The following PATJ variants were observed in gnomAD, a reference collection of about 807,000 sequenced individuals.
The protein encoded by PATJ is PATJ crumbs cell polarity complex component.
In PATJ, 190 loss-of-function variants were observed where a neutral mutation model predicts 224.9. The ratio of observed to expected loss-of-function variants is 0.84; its 90% confidence interval spans 0.75 to 0.95. The LOEUF is 0.95. Among genes scored for constraint, PATJ ranks in the 40% least tolerant of loss-of-function variants. PATJ has a pLI of 0.00. For missense variants in PATJ, 2,121 were observed against 2,270.3 expected (o/e 0.93, Z 1.34); for synonymous variants, 769 against 820.3 (o/e 0.94, Z 1.07).
rs372406419 is a variant in PATJ at position 62,019,343 on chromosome 1, A to G, written c.3959+1396A>G. On this transcript the variant is annotated intron_variant, in intron 29 of 43. Transcript: ENST00000642238. Reference sequence around the variant, plus strand: ...GCGAGACCAGCCTGGCCAAGCCAACATGGTGAAACCCTGTCTCTACTAAAA... The same window carrying G: ...GCGAGACCAGCCTGGCCAAGCCAACGTGGTGAAACCCTGTCTCTACTAAAA... Among the ~76,000 whole-genome samples, 5 of 151,714 alleles carry G rather than the reference A, an allele frequency of 3.3e-5. No individual in the cohort carries two copies. The East Asian group carries it at 5.8e-4, about 18-fold the overall frequency.
intron 27 of PATJ, 61 bp downstream of exon 27, chr1:61,927,890 T>C: frequency 8.6e-7 from 1 of 1,161,006 alleles, no homozygotes; most frequent in Non-Finnish European, 1.2e-6. Context: ...TTTTAACGAC[T>C]GTTGTAAATT....
At chr1:61,998,938 C>T (rs114621636) in intron 28 of PATJ, among the ~76,000 whole-genome samples, 77 of 152,238 alleles carry the variant, frequency 5.1e-4, no homozygotes, top group African/African-American at 1.8e-3. Context: ...GAAGGACAAT[C>T]GTTTATTTTT....
chr1:62,124,123 C>T (rs1051551601), intron 39 of PATJ, among the ~76,000 whole-genome samples: 1 of 151,938 alleles, frequency 6.6e-6, no homozygotes, highest in African/African-American at 2.4e-5. Context: ...CACCGTGTTG[C>T]CCAGGCTGGA....
In PATJ at chr1:61,886,819, C is replaced by CAAAAAAAAAAAAAAA. The variant is rs35950461; in HGVS notation, c.3131+2423_3131+2424insAAAAAAAAAAAAAAA. 3.0e-3 allele frequency among the ~76,000 whole-genome samples: 262 copies of CAAAAAAAAAAAAAAA among 87,446 alleles called. 80 individuals carry two copies. Among genetic ancestry groups the CAAAAAAAAAAAAAAA allele is most frequent in the South Asian group, 8.7e-3 (29 of 3,318 alleles). The allele number at this position is 87,446 out of a possible 152,430, so 57.4% of individuals were successfully genotyped here. A position where few individuals can be genotyped will look rare whatever the true frequency, so the allele number is the denominator to read the frequency against. On this transcript the variant is annotated intron_variant, in intron 22 of 43. Transcript: ENST00000642238. ...TGGGCAACAGAGCAAGACCCCATCT[C>CAAAAAAAAAAAAAAA]AAAAAAAAAAAATTAGCCTGTTGTG...
chr1:62,071,059 A>G (rs1570441550), intron 31 of PATJ, among the ~76,000 whole-genome samples: 1 of 152,208 alleles, frequency 6.6e-6, no homozygotes, highest in African/African-American at 2.4e-5. Flanking sequence ...GGGATGTCAG[A>G]TTCAATTAAA....
intron 17 of PATJ, among the ~76,000 whole-genome samples, chr1:61,849,047 A>G (rs114315451): frequency 0.011 from 1,693 of 152,322 alleles, 27 homozygotes; most frequent in African/African-American, 0.039. Flanking sequence ...ATAAAAATAC[A>G]TATCTGTGGA....
intron 20 of PATJ, among the ~76,000 whole-genome samples, chr1:61,867,771 C>A (rs777023261): frequency 6.6e-6 from 1 of 152,134 alleles, no homozygotes; most frequent in Non-Finnish European, 1.5e-5. Context: ...GGAACACTTA[C>A]ACCCGTTGAT....
Position 62,163,098 on chromosome 1 carries a change from A to T in PATJ, c.*2044A>T, listed in dbSNP as rs967888433. On this transcript the variant is annotated 3_prime_UTR_variant, in exon 44 of 44. Coordinates refer to ENST00000642238, the MANE Select transcript of PATJ (RefSeq NM_001350145.3). ...TTAAAATGTTATTTAATAAGTATAGATTTTAATTGAGAATTATCTTTGAGT... is the reference window on the plus strand; with the variant it reads ...TTAAAATGTTATTTAATAAGTATAGTTTTTAATTGAGAATTATCTTTGAGT... 6.0e-6 allele frequency: 1 copy of T among 167,100 alleles called. No individual in the cohort carries two copies. 10.4% of individuals were successfully genotyped at this position (167,100 alleles called of 1,614,324 possible). A position where few individuals can be genotyped will look rare whatever the true frequency, so the allele number is the denominator to read the frequency against.
At chr1:61,938,371 G>T (rs909948662) in intron 27 of PATJ, among the ~76,000 whole-genome samples, 4 of 151,936 alleles carry the variant, frequency 2.6e-5, no homozygotes, top group Non-Finnish European at 5.9e-5. Flanking sequence ...AGTAGAGAGG[G>T]TGGGGTGTTT....
rs569611574 is a variant in PATJ at position 61,846,838 on chromosome 1, A to C, written c.2113-9192A>C. Among the ~76,000 whole-genome samples, 10 of 152,246 alleles carry C rather than the reference A, an allele frequency of 6.6e-5. No homozygotes were observed. The East Asian group carries it at 1.7e-3, about 26-fold the overall frequency. On this transcript the variant is annotated intron_variant, in intron 17 of 43. Coordinates refer to ENST00000642238, the MANE Select transcript of PATJ (RefSeq NM_001350145.3). ...GGCCTCGAACTCCTTGTCTCAAGTG[A>C]TCTGCCCGCCTTGGCCTCCCAAAGT...
intron 9 of PATJ, among the ~76,000 whole-genome samples, chr1:61,795,098 G>GT (rs199829855): frequency 2.1e-5 from 2 of 94,630 alleles, no homozygotes; most frequent in African/African-American, 4.0e-5. Flanking sequence ...CATAGTGATG[G>GT]TAAAAAAAAA....
chr1:62,058,118 A>T (rs1387981101), intron 31 of PATJ, among the ~76,000 whole-genome samples: 1 of 152,232 alleles, frequency 6.6e-6, no homozygotes, highest in Non-Finnish European at 1.5e-5. Context: ...CAAAAATGAG[A>T]GTATTCCAGT....
At chr1:62,122,616 A>G (rs796150567) in intron 38 of PATJ, among the ~76,000 whole-genome samples, 3 of 151,586 alleles carry the variant, frequency 2.0e-5, no homozygotes, top group African/African-American at 7.3e-5. Flanking sequence ...CTTGAGGTCG[A>G]GAGTTTGAGA....
chr1:61,986,033 C>G (rs376958488), intron 27 of PATJ, among the ~76,000 whole-genome samples: 17 of 151,932 alleles, frequency 1.1e-4, no homozygotes, highest in African/African-American at 4.1e-4. Flanking sequence ...CATAAGAAAT[C>G]TGGGTTCATA....
intron 36 of PATJ, 145 bp from the exon 37 acceptor site, chr1:62,116,987 G>T: frequency 1.5e-6 from 1 of 671,644 alleles, no homozygotes; most frequent in South Asian, 2.0e-5. Context: ...AGGAGCCACA[G>T]AATTCATCCT....
Position 62,108,519 on chromosome 1 carries a change from A to G in PATJ, c.4460A>G (p.Glu1487Gly). 6.3e-7 allele frequency: 1 copy of G among 1,592,680 alleles called. No homozygotes were observed. The highest frequency in any genetic ancestry group is 8.6e-7 in the Non-Finnish European group (1 of 1,163,654). Residue 1487 changes from glutamate to glycine, a missense_variant and splice_region_variant, in exon 34 of 44, where the codon GAG (glutamate) becomes GGG (glycine). By Grantham distance (98) the Glu-to-Gly change is moderately conservative. Transcript: ENST00000642238. ...CTTTGGGCTGGTGACCAGATATTAGAGGTATATGGTTTTGAATTTTATTTT... is the reference window on the plus strand; with the variant it reads ...CTTTGGGCTGGTGACCAGATATTAGGGGTATATGGTTTTGAATTTTATTTT... Reference protein sequence around the residue: ...GRLWAGDQILEVNGVDLRNSS... With the variant: ...GRLWAGDQILGVNGVDLRNSS...
intron 14 of PATJ, among the ~76,000 whole-genome samples, chr1:61,814,518 TA>T (rs1655643414): frequency 2.1e-5 from 2 of 93,680 alleles, no homozygotes; most frequent in African/African-American, 5.9e-5. Context: ...GCCTTTTGTT[TA>T]GTGTGTGTGT....
chr1:61,879,924 C>T lies in PATJ; in HGVS notation c.2960-4313C>T, dbSNP rs368731373. The stretch of plus-strand genomic sequence containing the variant: ...TGTGATCTTGGCACACTGCAACCTC[C>T]ACCTCCTGAGTTCAAGCTATTCTCC... On this transcript the variant is annotated intron_variant, in intron 21 of 43. Coordinates refer to ENST00000642238, the MANE Select transcript of PATJ (RefSeq NM_001350145.3). Among the ~76,000 whole-genome samples the T allele has an allele frequency of 2.1e-4, 32 of 152,108 alleles. No homozygotes were observed. The South Asian group carries it at 6.0e-3, about 29-fold the overall frequency.
intron 43 of PATJ, among the ~76,000 whole-genome samples, chr1:62,158,273 T>A (rs1669450030): frequency 6.7e-6 from 1 of 149,426 alleles, no homozygotes; most frequent in Non-Finnish European, 1.5e-5. Context: ...GGAGAGTAGA[T>A]ACATATCAGT....
Sources: gnomAD v4.1 joint callset for allele counts (sites outside exome capture counted in the v4.1 genomes callset) on GRCh38, gnomAD v4.1.1 for gene constraint, MANE v1.5 for transcripts, NCBI Gene and HGNC (gene_info 2026-07-23, HGNC 2026-07-21) for gene names.